Variants in TAF1 observed in about 807,000 individuals in gnomAD.
The protein encoded by TAF1 is TATA-box binding protein associated factor 1, also known as transcription initiation factor TFIID subunit 1.
TAF1 carries 2 observed loss-of-function variants against 138.5 expected under a neutral mutation model. The observed-to-expected ratio is 0.01, with a 90% CI of 0.01 to 0.05. The LOEUF (loss-of-function observed/expected upper bound fraction) is 0.05. TAF1 is among the 10% of genes least tolerant of loss of function. TAF1 has a pLI of 1.00. For missense variants in TAF1, 709 were observed against 1,478.0 expected (o/e 0.48, Z 8.53); for synonymous variants, 437 against 503.2 (o/e 0.87, Z 1.76).
chrX:71,420,550 A>G (rs1440710564), intron 28 of TAF1: 1 of 1,207,069 alleles, frequency 8.3e-7, no homozygotes, highest in African/African-American at 1.7e-5. Context: ...CTGGAGGTGG[A>G]CTCATACTCA....
chrX:71,378,783 T>G (rs1329488526), intron 7 of TAF1, 41 bp from the exon 8 acceptor site: 2 of 1,170,313 alleles, frequency 1.7e-6, no homozygotes, highest in Non-Finnish European at 2.3e-6. Context: ...CCTTGACCAG[T>G]GACCAATCAA....
Position 71,456,016 on chromosome X carries a change from G to A in TAF1, c.4938+1159G>A, listed in dbSNP as rs754917789. Among the ~76,000 whole-genome samples the A allele has an allele frequency of 3.6e-5, 4 of 112,032 alleles. No homozygotes were observed. In the South Asian group the frequency reaches 1.5e-3, roughly 42 times the overall value. On this transcript the variant is annotated intron_variant, in intron 34 of 37. Transcript: ENST00000423759. The stretch of plus-strand genomic sequence containing the variant: ...AGGTCCAGAACAAGGAAAGGCTCTT[G>A]GAGTGTGTGGGCAGATTGGGTCAAG...
At chrX:71,453,105 G>A (rs1333748796) in intron 32 of TAF1, among the ~76,000 whole-genome samples, 3 of 109,027 alleles carry the variant, frequency 2.8e-5, no homozygotes, top group African/African-American at 1.0e-4. Flanking sequence ...GGGAGAGGAG[G>A]GAGAGGGAGA....
intron 32 of TAF1, among the ~76,000 whole-genome samples, chrX:71,445,534 ACAC>A (rs1314996412): frequency 1.8e-5 from 2 of 111,659 alleles, no homozygotes; most frequent in African/African-American, 6.5e-5. Context: ...CCCTGTATGT[ACAC>A]CTTTATCAAA....
chrX:71,381,534 T>C lies in TAF1; in HGVS notation c.1361-209T>C, dbSNP rs201024395. ...CCTGCCTCGGCCTCCCAAAATGCTG[T>C]GATTACAGGTGTGAGCCACCGTGCT... On this transcript the variant is annotated intron_variant, in intron 8 of 37. Coordinates refer to ENST00000423759, the MANE Select transcript of TAF1 (RefSeq NM_004606.5). 1.6e-4 allele frequency among the ~76,000 whole-genome samples: 18 copies of C among 112,235 alleles called. No individual in the cohort carries two copies. The East Asian group carries it at 5.0e-3, about 31-fold the overall frequency.
chrX:71,477,324 T>G (rs141190310), intron 13 of TAF1, among the ~76,000 whole-genome samples: 1,716 of 110,237 alleles, frequency 0.016, 30 homozygotes, highest in African/African-American at 0.055. Context: ...AGAGTCTCAC[T>G]CTGTCACCCA....
chrX:71,505,293 C>T (rs759356589), intron 13 of TAF1, among the ~76,000 whole-genome samples: 2 of 111,257 alleles, frequency 1.8e-5, no homozygotes, highest in Non-Finnish European at 3.8e-5. Context: ...GAGCATTACT[C>T]TCTATTCCTT....
intron 13 of TAF1, among the ~76,000 whole-genome samples, chrX:71,502,550 ATCAATG>A (rs1433668203): frequency 8.9e-6 from 1 of 112,952 alleles, no homozygotes; most frequent in Non-Finnish European, 1.9e-5. Flanking sequence ...CGCTTATTGA[ATCAATG>A]TCATACTGGT....
intron 13 of TAF1, among the ~76,000 whole-genome samples, chrX:71,479,925 T>A (rs1332908419): frequency 9.0e-6 from 1 of 110,651 alleles, no homozygotes; most frequent in East Asian, 2.8e-4. Context: ...AACCAGAAAA[T>A]TTTTAAAAGA....
chrX:71,510,340 GA>G (rs1235037112), intron 13 of TAF1, among the ~76,000 whole-genome samples: 26 of 101,684 alleles, frequency 2.6e-4, no homozygotes, highest in East Asian at 1.8e-3. Flanking sequence ...TTCCCTAGTA[GA>G]AAAAAAAAAA....
At position 71,456,649 on chromosome X, in the gene TAF1, C is replaced by CTT. The variant is rs776321706; in HGVS notation, c.4939-1550_4939-1549dup. Among the ~76,000 whole-genome samples, 151 of 26,818 alleles carry CTT rather than the reference C, an allele frequency of 5.6e-3. 33 individuals are homozygous for CTT. The highest frequency in any genetic ancestry group is 7.2e-3 in the Non-Finnish European group (113 of 15,742). 23.3% of individuals were successfully genotyped at this position (26,818 alleles called of 115,157 possible). On this transcript the variant is annotated intron_variant, in intron 34 of 37. Transcript: ENST00000423759. ...ATGGTGGTGGTCAATAATGTATTTT[C>CTT]TTTTTTTTTTTTTTTTTTTTTTTTT...
chrX:71,420,120 C>G, intron 28 of TAF1: 1 of 485,557 alleles, frequency 2.1e-6, no homozygotes, highest in Non-Finnish European at 3.8e-6. Context: ...AGCCTGGCCT[C>G]TGTAGACGTG....
At chrX:71,460,885 C>T (rs897410316) in intron 37 of TAF1, 82 bp downstream of exon 37, 23 of 1,135,734 alleles carry the variant, frequency 2.0e-5, no homozygotes, top group Non-Finnish European at 2.7e-5. Context: ...GATTACTTTT[C>T]ATCCATCAAA....
chrX:71,475,754 TG>T (rs1482213208), intron 13 of TAF1, among the ~76,000 whole-genome samples: 4 of 110,779 alleles, frequency 3.6e-5, no homozygotes, highest in African/African-American at 1.3e-4. Flanking sequence ...CATGTTGATA[TG>T]GTTTGATGTT....
intron 32 of TAF1, among the ~76,000 whole-genome samples, chrX:71,443,825 C>T (rs1453428318): frequency 9.0e-6 from 1 of 111,520 alleles, no homozygotes; most frequent in African/African-American, 3.3e-5. Flanking sequence ...TCTCCTGCTG[C>T]GGCCTCCTGA....
At chrX:71,393,128 T>A in intron 20 of TAF1, 134 bp downstream of exon 20, 1 of 1,064,821 alleles carries the variant, frequency 9.4e-7, no homozygotes, top group Non-Finnish European at 1.3e-6. Context: ...AGATATTGTT[T>A]TAGGAGTTAT....
intron 8 of TAF1, among the ~76,000 whole-genome samples, chrX:71,380,957 C>T (rs1162379253): frequency 8.9e-6 from 1 of 112,403 alleles, no homozygotes. Flanking sequence ...TCCCAAAATG[C>T]TGGGATTACA....
At chrX:71,439,862 A>G (rs1216704396) in intron 32 of TAF1, among the ~76,000 whole-genome samples, 5 of 112,156 alleles carry the variant, frequency 4.5e-5, no homozygotes, top group Non-Finnish European at 9.4e-5. Flanking sequence ...CTTCAATGGC[A>G]ATATCTTACA....
rs143886968 is a variant in TAF1 at position 71,402,232 on chromosome X, C to T, written c.3998+493C>T. On this transcript the variant is annotated intron_variant, in intron 25 of 37. Transcript: ENST00000423759. ...AAGCGATTCTCACGCCTCAGCCTCC[C>T]GAGTAGCTGGGATTACAGGCGCACG... 7.1e-3 allele frequency among the ~76,000 whole-genome samples: 793 copies of T among 111,805 alleles called. 10 individuals carry two copies. The highest frequency in any genetic ancestry group is 0.024 in the African/African-American group (752 of 30,786).
Sources: gnomAD v4.1 joint callset for allele counts (sites outside exome capture counted in the v4.1 genomes callset) on GRCh38, gnomAD v4.1.1 for gene constraint, MANE v1.5 for transcripts, NCBI Gene and HGNC (gene_info 2026-07-23, HGNC 2026-07-21) for gene names.